SIPA1L1: variants seen among roughly 807,000 people sequenced by gnomAD.
The protein encoded by SIPA1L1 is signal-induced proliferation-associated 1-like protein 1.
Under a neutral mutation model 162.7 loss-of-function variants are expected in SIPA1L1, and 26 were observed. That is an observed-to-expected ratio of 0.16 (90% CI 0.12 to 0.22). SIPA1L1 has a LOEUF of 0.22. SIPA1L1 is among the 10% of genes least tolerant of loss of function. SIPA1L1 has a pLI of 1.00. For synonymous variants in SIPA1L1, 829 were observed against 837.4 expected, an observed-to-expected ratio of 0.99 and a Z score of 0.17; for missense variants, 1,874 against 2,241.0, an observed-to-expected ratio of 0.84 and a Z score of 3.31.
At chr14:71,689,532 T>G (rs1480959819) in intron 13 of SIPA1L1, among the ~76,000 whole-genome samples, 1 of 152,224 alleles carries the variant, frequency 6.6e-6, no homozygotes, top group Non-Finnish European at 1.5e-5. Flanking sequence ...TGTTTAAACA[T>G]AATGCGGGAT....
Position 71,377,827 on chromosome 14 carries a change from C to A in SIPA1L1, c.-465+56646C>A, listed in dbSNP as rs574983859. Among the ~76,000 whole-genome samples the A allele has an allele frequency of 6.6e-6, 1 of 152,284 alleles. No individual in the cohort carries two copies. Among genetic ancestry groups the A allele is most frequent in the East Asian group, 1.9e-4 (1 of 5,174 alleles). The stretch of plus-strand genomic sequence containing the variant: ...CCGTCTCCACCAAAAAATACAAAAA[C>A]CAGTCAGGCGTGGCGGCGCGTGCCT... On this transcript the variant is annotated intron_variant, in intron 2 of 23. Coordinates refer to ENST00000381232, the MANE Select transcript of SIPA1L1 (RefSeq NM_001386936.1). This position sits in a 1 kb window ranked among gnomAD's most constrained non-coding sequence, Gnocchi z 4.8.
intron 7 of SIPA1L1, among the ~76,000 whole-genome samples, chr14:71,641,662 G>A (rs1375149108): frequency 6.6e-6 from 1 of 152,208 alleles, no homozygotes; most frequent in African/African-American, 2.4e-5. Context: ...GGCGGAGCTT[G>A]CAGTGAGCCG....
intron 4 of SIPA1L1, among the ~76,000 whole-genome samples, chr14:71,531,546 GTTTGCT>G (rs908060446): frequency 2.6e-5 from 4 of 151,476 alleles, no homozygotes; most frequent in African/African-American, 4.8e-5. Context: ...TCTTTTTTTT[GTTTGCT>G]TTTGCTTTTG....
chr14:71,343,010 T>G (rs565747383), intron 2 of SIPA1L1, among the ~76,000 whole-genome samples: 1 of 152,324 alleles, frequency 6.6e-6, no homozygotes, highest in East Asian at 1.9e-4. Context: ...TTTAATGAAT[T>G]CCACTCCTGG....
intron 2 of SIPA1L1, among the ~76,000 whole-genome samples, chr14:71,345,408 T>C (rs1275490146): frequency 6.6e-6 from 1 of 152,146 alleles, no homozygotes; most frequent in Non-Finnish European, 1.5e-5. Context: ...TTAAGCCAAG[T>C]TGATAGACAA....
At chr14:71,523,169 G>T in intron 3 of SIPA1L1, among the ~76,000 whole-genome samples, 1 of 150,360 alleles carries the variant, frequency 6.7e-6, no homozygotes, top group African/African-American at 2.4e-5. Flanking sequence ...ATTCTGTTTG[G>T]TTATTTACAG....
At chr14:71,329,234 C>T (rs999481968) in intron 2 of SIPA1L1, among the ~76,000 whole-genome samples, 1 of 152,192 alleles carries the variant, frequency 6.6e-6, no homozygotes, top group Non-Finnish European at 1.5e-5. Context: ...GATATCTCTT[C>T]AAGATCCTGC....
intron 5 of SIPA1L1, among the ~76,000 whole-genome samples, chr14:71,596,326 A>G (rs2036026285): frequency 6.6e-6 from 1 of 152,306 alleles, no homozygotes; most frequent in Admixed American, 6.5e-5. Context: ...GCTATTGACT[A>G]GGGGCTGCCC....
chr14:71,481,773 A>G (rs898304055), intron 2 of SIPA1L1, among the ~76,000 whole-genome samples: 3 of 152,186 alleles, frequency 2.0e-5, no homozygotes, highest in Admixed American at 1.3e-4. Context: ...ATCTCTTGAA[A>G]TCCACCCCCG....
At chr14:71,477,798 A>C (rs2048003310) in intron 2 of SIPA1L1, among the ~76,000 whole-genome samples, 1 of 152,208 alleles carries the variant, frequency 6.6e-6, no homozygotes. Context: ...TATTAAAAAA[A>C]AAAAAGCTAC....
At chr14:71,556,655 G>A (rs7141155) in intron 4 of SIPA1L1, among the ~76,000 whole-genome samples, 67,404 of 151,250 alleles carry the variant, frequency 0.45, 15,640 homozygotes, top group Admixed American at 0.52. Flanking sequence ...AAGGTATCAG[G>A]GAAGGAGCAC....
chr14:71,699,867 A>G (rs74060395), intron 14 of SIPA1L1, among the ~76,000 whole-genome samples: 15,983 of 152,254 alleles, frequency 0.1, 2,018 homozygotes, highest in African/African-American at 0.3. Flanking sequence ...AGAGTCCTTG[A>G]TCACTGAATG....
chr14:71,731,401 C>T (rs1307097535), intron 20 of SIPA1L1, among the ~76,000 whole-genome samples: 1 of 152,156 alleles, frequency 6.6e-6, no homozygotes, highest in Non-Finnish European at 1.5e-5. Flanking sequence ...GCCAGGAAGT[C>T]ACCTCCGATG....
intron 7 of SIPA1L1, among the ~76,000 whole-genome samples, chr14:71,627,197 T>A (rs1034175246): frequency 7.8e-6 from 1 of 127,732 alleles, no homozygotes; most frequent in Non-Finnish European, 1.6e-5. Context: ...CTGTTTCTGT[T>A]ACCCAGGCTG....
chr14:71,548,650 A>T (rs991805483), intron 4 of SIPA1L1, among the ~76,000 whole-genome samples: 1 of 152,164 alleles, frequency 6.6e-6, no homozygotes, highest in Non-Finnish European at 1.5e-5. Flanking sequence ...TAATCTCAGC[A>T]CTTTGGGAGG....
intron 2 of SIPA1L1, among the ~76,000 whole-genome samples, chr14:71,407,626 C>A (rs2140208758): frequency 6.6e-6 from 1 of 152,248 alleles, no homozygotes; most frequent in Non-Finnish European, 1.5e-5. Context: ...CCCATCTCAG[C>A]CTCCCAAGTA....
intron 2 of SIPA1L1, among the ~76,000 whole-genome samples, chr14:71,420,295 G>A (rs2043088892): frequency 6.6e-6 from 1 of 152,158 alleles, no homozygotes. Context: ...AAGGCCTTTA[G>A]TAGAAATATA....
chr14:71,415,705 T>A (rs868270745), intron 2 of SIPA1L1, among the ~76,000 whole-genome samples: 13 of 152,078 alleles, frequency 8.5e-5, no homozygotes, highest in Middle Eastern at 3.4e-3. Context: ...CTTAATTATT[T>A]TTTTTTTTTT....
At chr14:71,584,308 A>G (rs777863944) in intron 4 of SIPA1L1, among the ~76,000 whole-genome samples, 14 of 152,234 alleles carry the variant, frequency 9.2e-5, no homozygotes, top group East Asian at 1.9e-4. Context: ...AAGAGATCCC[A>G]TAAGAGGTTC....
Sources: allele counts gnomAD v4.1 joint callset (sites outside exome capture counted in the v4.1 genomes callset), GRCh38; gene constraint gnomAD v4.1.1; non-coding constraint Gnocchi (gnomAD v3.1); transcripts MANE v1.5; gene names NCBI Gene and HGNC (gene_info 2026-07-23, HGNC 2026-07-21).